The following SKIL variants were observed in gnomAD, a reference collection of about 807,000 sequenced individuals.
SKIL encodes ski-like protein.
In SKIL, 20 loss-of-function variants were observed where a neutral mutation model predicts 69.6. The observed-to-expected ratio is 0.29, with a 90% CI of 0.20 to 0.42. The LOEUF (loss-of-function observed/expected upper bound fraction) is 0.42. SKIL is among the 10% of genes least tolerant of loss of function. The pLI, the probability that SKIL is intolerant of heterozygous loss-of-function variation, is 1.00. For missense variants in SKIL, 745 were observed against 783.1 expected (o/e 0.95, Z 0.58); for synonymous variants, 310 against 279.9 (o/e 1.11, Z -1.08).
chr3:170,358,521 C>T (rs1287274390), intron 1 of SKIL: 3 of 152,636 alleles, frequency 2.0e-5, no homozygotes, highest in Non-Finnish European at 4.4e-5. Context: ...GGGGCTCCCC[C>T]ATTCTAGGTC....
At chr3:170,364,104 C>T (rs1736377506) in intron 2 of SKIL, among the ~76,000 whole-genome samples, 1 of 152,120 alleles carries the variant, frequency 6.6e-6, no homozygotes, top group African/African-American at 2.4e-5. Context: ...GCGCCCACCG[C>T]CATGCCCAGC....
intron 2 of SKIL, among the ~76,000 whole-genome samples, chr3:170,380,578 G>A (rs991177643): frequency 1.3e-5 from 2 of 152,008 alleles, no homozygotes; most frequent in Non-Finnish European, 1.5e-5. Context: ...GGGAGGTGGA[G>A]GTTGCAGTGA....
intron 2 of SKIL, among the ~76,000 whole-genome samples, chr3:170,363,509 G>C (rs1299755683): frequency 1.3e-5 from 2 of 151,420 alleles, no homozygotes; most frequent in African/African-American, 4.9e-5. Context: ...TTTTGAGACA[G>C]AGTTTCGCTC....
intron 2 of SKIL, among the ~76,000 whole-genome samples, chr3:170,364,017 C>A (rs1163276432): frequency 1.3e-5 from 2 of 152,116 alleles, no homozygotes; most frequent in African/African-American, 4.8e-5. Flanking sequence ...GTGGCACGAT[C>A]TCGGCTCACT....
intron 2 of SKIL, among the ~76,000 whole-genome samples, chr3:170,371,836 G>T (rs778171901): frequency 4.6e-5 from 7 of 152,150 alleles, no homozygotes; most frequent in Admixed American, 6.5e-5. Context: ...AATCAATTTA[G>T]TGGGTCACCA....
chr3:170,376,657 C>T (rs576341301), intron 2 of SKIL, among the ~76,000 whole-genome samples: 43 of 152,176 alleles, frequency 2.8e-4, no homozygotes, highest in African/African-American at 1.0e-3. Context: ...CTCACTGCAA[C>T]CTCTGTTTCC....
chr3:170,377,450 G>T (rs1737087043), intron 2 of SKIL, among the ~76,000 whole-genome samples: 1 of 140,332 alleles, frequency 7.1e-6, no homozygotes, highest in African/African-American at 2.6e-5. Flanking sequence ...GACCTTCACT[G>T]AATATTCAAC....
intron 4 of SKIL, among the ~76,000 whole-genome samples, chr3:170,389,359 G>T (rs1162138109): frequency 6.7e-6 from 1 of 149,846 alleles, no homozygotes; most frequent in South Asian, 2.1e-4. Context: ...TGTTGCCCAG[G>T]CTGGAGTGCA....
rs536913029 is a variant in SKIL at position 170,359,608 on chromosome 3, A to T, written c.-633-91A>T. On this transcript the variant is annotated intron_variant, in intron 1 of 6. Coordinates refer to ENST00000259119, the MANE Select transcript of SKIL (RefSeq NM_005414.5). Reference sequence around the variant, plus strand: ...ACTCCGTAAAAAAAAGAAAAAAAAAAAAATAAAAGAAACTGGTTTCAAATT... The same window carrying T: ...ACTCCGTAAAAAAAAGAAAAAAAAATAAATAAAAGAAACTGGTTTCAAATT... 9.3e-4 allele frequency: 141 copies of T among 151,724 alleles called. 1 individual carries two copies. Among genetic ancestry groups the T allele is most frequent in the African/African-American group, 3.3e-3 (136 of 41,418 alleles). The allele number at this position is 151,724 out of a possible 1,614,324, so 9.4% of individuals were successfully genotyped here.
Position 170,360,201 on chromosome 3 carries a change from G to A in SKIL, c.-131G>A, listed in dbSNP as rs771261114. ...GTCGCAAAATTTATTAATTTAAGGG[G>A]CTCTCGCTTTGAAAGTTTGAGAGTA... is the stretch of plus-strand genomic sequence containing the variant. On this transcript the variant is annotated 5_prime_UTR_variant, in exon 2 of 7. Transcript: ENST00000259119. 2.3e-6 allele frequency: 2 copies of A among 857,286 alleles called. No homozygotes were observed. Among genetic ancestry groups the A allele is most frequent in the Non-Finnish European group, 3.6e-6 (2 of 562,544 alleles). The allele number at this position is 857,286 out of a possible 1,614,324, so 53.1% of individuals were successfully genotyped here. A position where few individuals can be genotyped will look rare whatever the true frequency, so the allele number is the denominator to read the frequency against.
intron 2 of SKIL, among the ~76,000 whole-genome samples, chr3:170,369,082 ATT>A (rs55652320): frequency 8.3e-4 from 105 of 126,756 alleles, no homozygotes; most frequent in African/African-American, 3.0e-3. Context: ...TATCCCTGGC[ATT>A]TTTTTTTTTT....
chr3:170,388,056 T>TG (rs1296918529), intron 4 of SKIL, among the ~76,000 whole-genome samples: 1 of 151,626 alleles, frequency 6.6e-6, no homozygotes, highest in Non-Finnish European at 1.5e-5. Context: ...TGCTAGGTCA[T>TG]GTGGTAATTA....
chr3:170,362,087 G>T (rs182449552), intron 2 of SKIL, among the ~76,000 whole-genome samples: 447 of 152,218 alleles, frequency 2.9e-3, no homozygotes, highest in Non-Finnish European at 5.0e-3. Context: ...GGATATTCAG[G>T]CTTGCTCAAT....
intron 2 of SKIL, among the ~76,000 whole-genome samples, chr3:170,363,660 AT>A (rs1736348686): frequency 6.6e-6 from 1 of 151,590 alleles, no homozygotes; most frequent in Admixed American, 6.6e-5. Flanking sequence ...AATTTTTGTT[AT>A]TTTTAGCAGA....
chr3:170,381,405 C>A (rs1737338064), intron 3 of SKIL, 64 bp downstream of exon 3: 2 of 821,602 alleles, frequency 2.4e-6, no homozygotes, highest in Middle Eastern at 2.2e-4. Flanking sequence ...ATATGCCATG[C>A]ACTATTCTAG....
chr3:170,378,105 C>T (rs1737126478), intron 2 of SKIL, among the ~76,000 whole-genome samples: 1 of 151,992 alleles, frequency 6.6e-6, no homozygotes, highest in Admixed American at 6.6e-5. Context: ...ATTGGCCAGG[C>T]TGGCCTTGAA....
rs373119503 is a variant in SKIL, at chr3:170,360,447, A to G, written c.116A>G (p.Asn39Ser). Residue 39 changes from asparagine (N) to serine (S), a missense_variant, in exon 2 of 7, where the codon AAT becomes AGT. Transcript: ENST00000259119. ...AAAATGATAACGGACATTCATGCAA[A>G]TGGAAAAACGATAAACAAGGTGCCA... ...AKKMITDIHA[N>S]GKTINKVPTV... 7.4e-6 allele frequency: 12 copies of G among 1,613,926 alleles called. No homozygotes were observed. Among genetic ancestry groups the G allele is most frequent in the Non-Finnish European group, 9.3e-6 (11 of 1,180,004 alleles).
In SKIL at chr3:170,360,370, C is replaced by T; in HGVS notation, c.39C>T (p.Gly13=). 6.3e-7 allele frequency: 1 copy of T among 1,593,616 alleles called. No homozygotes were observed. ...AGACAAATTTCTCCTTGGTTCAGGG[C>T]TCAACTAAAAAACTGAATGGGATGG... is the stretch of plus-strand genomic sequence containing the variant. ...NLQTNFSLVQ[G]STKKLNGMGD... The change falls in exon 2 of 7, where the codon GGC becomes GGT. Residue 13 remains glycine, a synonymous_variant. Transcript: ENST00000259119.
chr3:170,393,265 G>T lies in SKIL; in HGVS notation c.*848G>T, dbSNP rs570745451. The T allele has an allele frequency of 9.9e-5, 15 of 152,194 alleles. No homozygotes were observed. The highest frequency in any genetic ancestry group is 3.6e-4 in the African/African-American group (15 of 41,534). 9.4% of individuals were successfully genotyped at this position (152,194 alleles called of 1,614,324 possible). The stretch of plus-strand genomic sequence containing the variant: ...TTTCTATACAATCCATAATCCTCCT[G>T]TACAGTTTTTACATGTAGTTATGAG... On this transcript the variant is annotated 3_prime_UTR_variant, in exon 7 of 7. Coordinates refer to ENST00000259119, the MANE Select transcript of SKIL (RefSeq NM_005414.5).
Sources: allele counts gnomAD v4.1 joint callset (sites outside exome capture counted in the v4.1 genomes callset), GRCh38; gene constraint gnomAD v4.1.1; transcripts MANE v1.5; gene names NCBI Gene and HGNC (gene_info 2026-07-23, HGNC 2026-07-21).